CREB3L2: variants seen among roughly 807,000 people sequenced by gnomAD.
The protein encoded by CREB3L2 is cyclic AMP-responsive element-binding protein 3-like protein 2.
CREB3L2 carries 23 observed loss-of-function variants against 57.2 expected under a neutral mutation model. The observed-to-expected ratio is 0.40, with a 90% CI of 0.29 to 0.57. The LOEUF (loss-of-function observed/expected upper bound fraction) is 0.57. CREB3L2 is among the 20% of genes least tolerant of loss of function. The pLI is 0.42. For synonymous variants in CREB3L2, 268 were observed against 265.1 expected, an observed-to-expected ratio of 1.01 and a Z score of -0.11; for missense variants, 628 against 634.7, an observed-to-expected ratio of 0.99 and a Z score of 0.11.
At chr7:137,892,240 T>C (rs1473946596) in intron 8 of CREB3L2, among the ~76,000 whole-genome samples, 4 of 152,186 alleles carry the variant, frequency 2.6e-5, no homozygotes, top group East Asian at 3.9e-4. Flanking sequence ...GTATGATGTA[T>C]ATGTACATGT....
chr7:137,999,432 C>G (rs2117339095), intron 1 of CREB3L2, among the ~76,000 whole-genome samples: 1 of 135,016 alleles, frequency 7.4e-6, no homozygotes, highest in Middle Eastern at 4.4e-3. Flanking sequence ...ATATAAGCTT[C>G]TAGAAGTCAG....
intron 1 of CREB3L2, among the ~76,000 whole-genome samples, chr7:137,993,275 G>A (rs1057092143): frequency 1.1e-4 from 16 of 152,236 alleles, no homozygotes; most frequent in Non-Finnish European, 2.2e-4. Flanking sequence ...ATGTACCCAA[G>A]GTCACCAGAG....
chr7:137,948,464 G>A (rs547280339), intron 1 of CREB3L2, among the ~76,000 whole-genome samples: 50 of 152,270 alleles, frequency 3.3e-4, no homozygotes, highest in Middle Eastern at 3.4e-3. Context: ...TACAAAGTTG[G>A]AATAAAACAA....
In CREB3L2 at chr7:137,915,878, G is replaced by A. The variant is rs767929146; in HGVS notation, c.454C>T (p.Pro152Ser). The A allele has an allele frequency of 6.2e-7, 1 of 1,614,134 alleles. No homozygotes were observed. Among genetic ancestry groups the A allele is most frequent in the East Asian group, 2.2e-5 (1 of 44,888 alleles). ...AGAGGAGGTTCCTCCTTTTCCAACG[G>A]GGTGGAGATGGCTGTGATGGTCAGA... ...VTLTITAIST[P>S]LEKEEPPLEM... Residue 152 changes from proline (P) to serine (S), a missense_variant, in exon 3 of 12, where the codon CCG becomes TCG. Physicochemically the swap from Pro to Ser is moderately conservative, Grantham distance 74 (BLOSUM62 -1). Transcript: ENST00000330387.
chr7:137,887,248 C>T (rs1419790832), intron 8 of CREB3L2, among the ~76,000 whole-genome samples: 1 of 152,188 alleles, frequency 6.6e-6, no homozygotes, highest in African/African-American at 2.4e-5. Flanking sequence ...CCTGGGCTTA[C>T]ATCTTCACCC....
intron 3 of CREB3L2, among the ~76,000 whole-genome samples, chr7:137,914,865 G>C (rs1219314613): frequency 6.6e-6 from 1 of 152,012 alleles, no homozygotes; most frequent in African/African-American, 2.4e-5. Flanking sequence ...ATTCTGAACA[G>C]GTAGACACTA....
At chr7:137,979,275 C>G (rs1801669868) in intron 1 of CREB3L2, among the ~76,000 whole-genome samples, 1 of 152,178 alleles carries the variant, frequency 6.6e-6, no homozygotes, top group Admixed American at 6.5e-5. Flanking sequence ...TTTCATGAAA[C>G]TTTTCCTTTT....
chr7:137,886,005 C>T (rs1428080091), intron 8 of CREB3L2, among the ~76,000 whole-genome samples: 1 of 152,178 alleles, frequency 6.6e-6, no homozygotes, highest in East Asian at 1.9e-4. Flanking sequence ...TAGAGTGCTT[C>T]CCTTCCACTA....
intron 1 of CREB3L2, among the ~76,000 whole-genome samples, chr7:137,955,778 T>C (rs1236204123): frequency 1.3e-5 from 2 of 152,212 alleles, no homozygotes; most frequent in Non-Finnish European, 2.9e-5. Context: ...GTTCCATTAC[T>C]GGAACACTAA....
At chr7:137,981,813 A>G (rs556858218) in intron 1 of CREB3L2, among the ~76,000 whole-genome samples, 11 of 152,262 alleles carry the variant, frequency 7.2e-5, no homozygotes, top group Non-Finnish European at 1.5e-4. Context: ...CGTTTCATGT[A>G]TTCTCCAAAA....
intron 1 of CREB3L2, among the ~76,000 whole-genome samples, chr7:137,972,255 A>G (rs1046566632): frequency 6.6e-6 from 1 of 152,080 alleles, no homozygotes; most frequent in African/African-American, 2.4e-5. Flanking sequence ...CCTGGCCAAC[A>G]TGGTGAAACC....
intron 1 of CREB3L2, among the ~76,000 whole-genome samples, chr7:137,946,319 G>A (rs79541721): frequency 0.022 from 3,377 of 152,044 alleles, 138 homozygotes; most frequent in African/African-American, 0.075. Context: ...TATCCTGAGC[G>A]GGTCTGATCT....
At chr7:137,973,290 G>A (rs574662475) in intron 1 of CREB3L2, among the ~76,000 whole-genome samples, 1 of 152,160 alleles carries the variant, frequency 6.6e-6, no homozygotes, top group Non-Finnish European at 1.5e-5. Context: ...GCCTTGTACG[G>A]AAGACTTGGG....
intron 1 of CREB3L2, among the ~76,000 whole-genome samples, chr7:137,943,655 T>C (rs552107792): frequency 1.3e-5 from 2 of 152,272 alleles, no homozygotes; most frequent in South Asian, 4.1e-4. Flanking sequence ...TTCAGGGCCA[T>C]AGTTTCATGT....
chr7:137,915,367 T>G (rs1160036067), intron 3 of CREB3L2, among the ~76,000 whole-genome samples: 1 of 152,042 alleles, frequency 6.6e-6, no homozygotes, highest in Non-Finnish European at 1.5e-5. Context: ...CATATTATTA[T>G]ATGAATCAAT....
intron 2 of CREB3L2, among the ~76,000 whole-genome samples, chr7:137,924,437 C>A (rs755684989): frequency 1.2e-4 from 19 of 152,196 alleles, no homozygotes; most frequent in Non-Finnish European, 2.4e-4. Context: ...CAAATGCATA[C>A]CTAGCATCCC....
intron 1 of CREB3L2, among the ~76,000 whole-genome samples, chr7:137,975,918 T>C (rs574490267): frequency 1.2e-4 from 18 of 152,226 alleles, no homozygotes; most frequent in African/African-American, 4.3e-4. Context: ...ATAAATCCAA[T>C]ACAATTCAGC....
At chr7:137,966,619 T>C (rs984563761) in intron 1 of CREB3L2, among the ~76,000 whole-genome samples, 3 of 152,326 alleles carry the variant, frequency 2.0e-5, no homozygotes, top group African/African-American at 7.2e-5. Flanking sequence ...ATAACATATT[T>C]TGCCTCATGT....
At chr7:137,912,389 A>C (rs1450162725) in intron 4 of CREB3L2, among the ~76,000 whole-genome samples, 1 of 152,026 alleles carries the variant, frequency 6.6e-6, no homozygotes, top group East Asian at 1.9e-4. Context: ...AAAAAAAAAA[A>C]AAAAGTATGA....
Sources: gnomAD v4.1 joint callset for allele counts (sites outside exome capture counted in the v4.1 genomes callset) on GRCh38, gnomAD v4.1.1 for gene constraint, MANE v1.5 for transcripts, NCBI Gene and HGNC (gene_info 2026-07-23, HGNC 2026-07-21) for gene names.